Variants in TFB1M observed in about 807,000 individuals in gnomAD.
TFB1M encodes dimethyladenosine transferase 1, mitochondrial.
A neutral mutation model predicts 31.1 loss-of-function variants in TFB1M; 27 were observed. The ratio of observed to expected loss-of-function variants is 0.87; its 90% CI spans 0.64 to 1.20. The LOEUF (loss-of-function observed/expected upper bound fraction) is 1.20. TFB1M is among the 50% of genes most tolerant of loss of function. The pLI, the probability that TFB1M is intolerant of heterozygous loss-of-function variation, is 0.00. For synonymous variants in TFB1M, 166 were observed against 151.8 expected (o/e 1.09, Z -0.69); for missense variants, 394 against 418.7 (o/e 0.94, Z 0.51).
chr6:155,275,763 T>G (rs201230000), intron 5 of TFB1M: 35 of 1,614,140 alleles, frequency 2.2e-5, no homozygotes, highest in Non-Finnish European at 3.0e-5. Flanking sequence ...ATCCTGGCCT[T>G]ATCTGGGGTC....
intron 5 of TFB1M, among the ~76,000 whole-genome samples, chr6:155,282,867 T>C (rs1366657467): frequency 6.6e-6 from 1 of 151,886 alleles, no homozygotes; most frequent in African/African-American, 2.4e-5. Flanking sequence ...AGCTGGGACT[T>C]GAGGCGCCCA....
At chr6:155,230,777 ATT>A in the TFB1M span, among the ~76,000 whole-genome samples, 18 of 97,582 alleles carry the variant, frequency 1.8e-4, no homozygotes, top group African/African-American at 7.7e-4. Context: ...ATGCATACAT[ATT>A]TATATAAGTA....
At chr6:155,300,728 G>T (rs928018964) in intron 2 of TFB1M, among the ~76,000 whole-genome samples, 3 of 152,064 alleles carry the variant, frequency 2.0e-5, no homozygotes, top group Non-Finnish European at 1.5e-5. Flanking sequence ...CACCCTGACA[G>T]GTACAACTGT....
the TFB1M span, chr6:155,248,267 T>C: frequency 7.0e-7 from 1 of 1,436,870 alleles, no homozygotes; most frequent in African/African-American, 1.4e-5. Flanking sequence ...AGCTCACCTC[T>C]TCCCCGCCTA....
chr6:155,291,198 T>C (rs1776908938), intron 4 of TFB1M, among the ~76,000 whole-genome samples: 2 of 152,174 alleles, frequency 1.3e-5, no homozygotes, highest in Non-Finnish European at 2.9e-5. Context: ...TTGTGGGATC[T>C]AACACTAAAA....
chr6:155,250,108 T>G, the TFB1M span: 1 of 613,476 alleles, frequency 1.6e-6, no homozygotes, highest in Admixed American at 3.0e-5. Context: ...ATGTGTCTAA[T>G]GAACTACACA....
At chr6:155,298,423 T>G in intron 3 of TFB1M, 54 bp downstream of exon 3, 1 of 897,242 alleles carries the variant, frequency 1.1e-6, no homozygotes, top group Non-Finnish European at 1.9e-6. Flanking sequence ...AATGAACATT[T>G]GTGATATAAA....
chr6:155,307,786 G>A (rs1777849038), intron 2 of TFB1M, among the ~76,000 whole-genome samples: 1 of 151,890 alleles, frequency 6.6e-6, no homozygotes, highest in Admixed American at 6.6e-5. Flanking sequence ...ACTAACGATA[G>A]CAGATGAGCT....
intron 1 of TFB1M, 92 bp downstream of exon 1, chr6:155,314,204 G>A: frequency 1.3e-6 from 2 of 1,571,184 alleles, no homozygotes; most frequent in Admixed American, 1.9e-5. Flanking sequence ...GCCAGTGCCT[G>A]GACACCCGCC....
intron 5 of TFB1M, among the ~76,000 whole-genome samples, chr6:155,270,839 A>G (rs2114698099): frequency 6.6e-6 from 1 of 152,318 alleles, no homozygotes; most frequent in Non-Finnish European, 1.5e-5. Flanking sequence ...CACTGCTGCG[A>G]CTATTAGTGT....
intron 4 of TFB1M, among the ~76,000 whole-genome samples, chr6:155,286,481 G>GTGTGTGTATATATA (rs71023637): frequency 2.2e-5 from 3 of 134,644 alleles, no homozygotes; most frequent in African/African-American, 8.2e-5. Flanking sequence ...ATATATATAT[G>GTGTGTGTATATATA]TGTGTGTATA....
At chr6:155,295,891 G>A (rs1459421332) in intron 4 of TFB1M, among the ~76,000 whole-genome samples, 3 of 152,172 alleles carry the variant, frequency 2.0e-5, no homozygotes, top group Non-Finnish European at 2.9e-5. Flanking sequence ...CAGGTTATAT[G>A]CAAATACTAC....
chr6:155,300,469 T>C (rs1405469808), intron 2 of TFB1M, among the ~76,000 whole-genome samples: 1 of 152,158 alleles, frequency 6.6e-6, no homozygotes, highest in Non-Finnish European at 1.5e-5. Flanking sequence ...ATGCTCTTAA[T>C]GTATAAAACC....
At chr6:155,306,256 G>A (rs1777757434) in intron 2 of TFB1M, among the ~76,000 whole-genome samples, 1 of 152,140 alleles carries the variant, frequency 6.6e-6, no homozygotes, top group Admixed American at 6.5e-5. Flanking sequence ...TGGTGGGAAT[G>A]TAATATGGCA....
the TFB1M span, among the ~76,000 whole-genome samples, chr6:155,238,357 A>G: frequency 6.6e-6 from 1 of 152,008 alleles, no homozygotes. Flanking sequence ...ACTTTTCCAC[A>G]CTTTCCTGTC....
intron 2 of TFB1M, among the ~76,000 whole-genome samples, chr6:155,305,226 ATATATATTAAATTATATATT>A (rs1777635193): frequency 7.6e-5 from 2 of 26,202 alleles, no homozygotes; most frequent in Middle Eastern, 0.023. Flanking sequence ...ATATTTATAT[ATATATATTAAATTATATATT>A]TATATATATA....
chr6:155,247,914 G>C, the TFB1M span: 1 of 1,461,612 alleles, frequency 6.8e-7, no homozygotes, highest in Non-Finnish European at 9.3e-7. Context: ...TATAGAAATA[G>C]ATGATCTATA....
At chr6:155,287,481 A>T (rs1049473237) in intron 4 of TFB1M, among the ~76,000 whole-genome samples, 3 of 152,090 alleles carry the variant, frequency 2.0e-5, no homozygotes, top group Non-Finnish European at 4.4e-5. Flanking sequence ...TAATCAAGTC[A>T]CAGAAAATTT....
rs759590096 is a variant in TFB1M at position 155,256,853 on chromosome 6, C to T, written c.*983G>A. On this transcript the variant is annotated 3_prime_UTR_variant, in exon 7 of 7. Transcript: ENST00000367166. ...CCCGAGGCTGAGCAGCAGCCTGGCCCGGAGTCGGGTGAGGGTCAGAAAGGA... is the reference window on the plus strand; with the variant it reads ...CCCGAGGCTGAGCAGCAGCCTGGCCTGGAGTCGGGTGAGGGTCAGAAAGGA... 4.4e-5 allele frequency: 71 copies of T among 1,614,036 alleles called. No homozygotes were observed. The highest frequency in any genetic ancestry group is 5.3e-5 in the African/African-American group (4 of 74,914).
Sources: allele counts gnomAD v4.1 joint callset (sites outside exome capture counted in the v4.1 genomes callset), GRCh38; gene constraint gnomAD v4.1.1; transcripts MANE v1.5; gene names NCBI Gene and HGNC (gene_info 2026-07-23, HGNC 2026-07-21).